PASD1: variants seen among roughly 807,000 people sequenced by gnomAD.
PASD1 encodes the protein circadian clock protein PASD1.
PASD1 carries 13 observed loss-of-function variants against 58.8 expected under a neutral mutation model. That is an observed-to-expected ratio of 0.22 (90% confidence interval 0.14 to 0.35). The LOEUF (loss-of-function observed/expected upper bound fraction) is 0.35, where lower values mean the gene tolerates loss of function less well. PASD1 is among the 10% of genes least tolerant of loss of function. The pLI is 1.00. For missense variants in PASD1, 734 were observed against 568.3 expected (o/e 1.29, Z -2.96); for synonymous variants, 236 against 216.7 (o/e 1.09, Z -0.78).
chrX:151,600,086 A>G (rs1020987751), intron 1 of PASD1, among the ~76,000 whole-genome samples: 4 of 112,247 alleles, frequency 3.6e-5, no homozygotes, highest in Admixed American at 9.4e-5. Flanking sequence ...AACAAGGCGA[A>G]ACCCCGTCTC....
chrX:151,622,932 C>T lies in PASD1; in HGVS notation c.419-5C>T. On this transcript the variant is annotated splice_region_variant and splice_polypyrimidine_tract_variant and intron_variant, in intron 6 of 15. Transcript: ENST00000370357. ...TGTTTTCACATGTGTGTCTATCTTC[C>T]TTAGAGTTTCCTGTGGTCTTTAGTG... is the stretch of plus-strand genomic sequence containing the variant. The T allele has an allele frequency of 8.3e-7, 1 of 1,205,824 alleles. No homozygotes were observed. The highest frequency in any genetic ancestry group is 1.1e-6 in the Non-Finnish European group (1 of 892,268).
intron 15 of PASD1, 64 bp from the exon 16 acceptor site, chrX:151,675,933 C>T (rs2014537565): frequency 3.5e-6 from 4 of 1,134,421 alleles, no homozygotes; most frequent in Non-Finnish European, 4.8e-6. Flanking sequence ...ATTCCTCCTA[C>T]CACCAAAAAA....
In PASD1 at chrX:151,672,251, G is replaced by A. The variant is rs1224821664; in HGVS notation, c.1506G>A (p.Gln502=). The A allele has an allele frequency of 8.6e-7, 1 of 1,167,182 alleles. No individual in the cohort carries two copies. The highest frequency in any genetic ancestry group is 1.1e-6 in the Non-Finnish European group (1 of 873,011). Reference sequence around the variant, plus strand: ...GGCAGCTGCGGGAGCAGCTGCAACAGCTGAGAGAGCAAAGGAAGGTGCAGA... The same window carrying A: ...GGCAGCTGCGGGAGCAGCTGCAACAACTGAGAGAGCAAAGGAAGGTGCAGA... The part of the protein sequence containing the change: ...QQRQLREQLQ[Q]LREQRKVQKQ... Residue 502 remains glutamine (Q), a synonymous_variant, in exon 14 of 16, where the codon CAG becomes CAA. Coordinates refer to ENST00000370357, the MANE Select transcript of PASD1 (RefSeq NM_173493.3).
intron 8 of PASD1, among the ~76,000 whole-genome samples, chrX:151,640,128 AG>A (rs2013980092): frequency 8.9e-6 from 1 of 111,997 alleles, no homozygotes; most frequent in Non-Finnish European, 1.9e-5. Flanking sequence ...TTACAAAAAT[AG>A]GAAGACTCAG....
intron 4 of PASD1, among the ~76,000 whole-genome samples, chrX:151,615,246 G>A (rs1435816462): frequency 9.1e-6 from 1 of 110,113 alleles, no homozygotes; most frequent in Non-Finnish European, 1.9e-5. Context: ...TATGTATTTG[G>A]TTCAAAGTTT....
rs770209675 is a variant in PASD1, at chrX:151,660,690, A to T, written c.841+854A>T. Among the ~76,000 whole-genome samples, 344 of 112,706 alleles carry T rather than the reference A, an allele frequency of 3.1e-3. 3 individuals carry two copies. Among genetic ancestry groups the T allele is most frequent in the Non-Finnish European group, 5.4e-3 (290 of 53,372 alleles). On this transcript the variant is annotated intron_variant, in intron 10 of 15. Coordinates refer to ENST00000370357, the MANE Select transcript of PASD1 (RefSeq NM_173493.3). ...TGTATTCACTACTGTTAAGCCAATG[A>T]TGGAGAAATCCTTATAACCTTCCAC... is the stretch of plus-strand genomic sequence containing the variant.
At chrX:151,583,450 T>A (rs1233919004) in intron 1 of PASD1, among the ~76,000 whole-genome samples, 5 of 112,115 alleles carry the variant, frequency 4.5e-5, no homozygotes, top group Non-Finnish European at 9.4e-5. Context: ...GAGGATGGTT[T>A]CATCTCCAAG....
Position 151,664,151 on chromosome X carries a change from G to A in PASD1, c.874G>A (p.Glu292Lys). ...LSLQDFRGEPEVNPLYRADPV... is the reference protein window; with the variant it reads ...LSLQDFRGEPKVNPLYRADPV... ...CTTGCAAGACTTTCGAGGTGAGCCT[G>A]AGGTGAATCCATTGTACAGGGCAGA... Residue 292 changes from glutamate to lysine, a missense_variant, in exon 11 of 16, where the codon GAG becomes AAG. By Grantham distance (56) the Glu-to-Lys change is moderately conservative. Coordinates refer to ENST00000370357, the MANE Select transcript of PASD1 (RefSeq NM_173493.3). 8.3e-7 allele frequency: 1 copy of A among 1,210,774 alleles called. No individual in the cohort carries two copies. The highest frequency in any genetic ancestry group is 1.1e-6 in the Non-Finnish European group (1 of 895,414).
At chrX:151,608,491 C>A (rs989895168) in intron 3 of PASD1, among the ~76,000 whole-genome samples, 4 of 111,866 alleles carry the variant, frequency 3.6e-5, no homozygotes, top group African/African-American at 1.3e-4. Context: ...CTTGCCTTTT[C>A]ACAATTTAAG....
At chrX:151,644,163 ATTAT>A (rs1386478832) in intron 8 of PASD1, among the ~76,000 whole-genome samples, 1 of 112,494 alleles carries the variant, frequency 8.9e-6, no homozygotes, top group Non-Finnish European at 1.9e-5. Flanking sequence ...ACTATCTCCA[ATTAT>A]TTATTTAATA....
Position 151,594,042 on chromosome X carries a change from C to T in PASD1, c.-27-7485C>T, listed in dbSNP as rs868090645. 3.6e-5 allele frequency among the ~76,000 whole-genome samples: 4 copies of T among 111,367 alleles called. No homozygotes were observed. The South Asian group carries it at 1.2e-3, about 32-fold the overall frequency. ...AGGCTGGAATGCAGTGGCACGGTCTCGGCTCACTGCAATCTCGGCCTCCTG... is the reference window on the plus strand; with the variant it reads ...AGGCTGGAATGCAGTGGCACGGTCTTGGCTCACTGCAATCTCGGCCTCCTG... On this transcript the variant is annotated intron_variant, in intron 1 of 15. Coordinates refer to ENST00000370357, the MANE Select transcript of PASD1 (RefSeq NM_173493.3).
chrX:151,594,840 T>C (rs2013297453), intron 1 of PASD1, among the ~76,000 whole-genome samples: 1 of 111,425 alleles, frequency 9.0e-6, no homozygotes, highest in Non-Finnish European at 1.9e-5. Context: ...ATGCTTCTCA[T>C]TGACTTCTTT....
intron 2 of PASD1, among the ~76,000 whole-genome samples, chrX:151,603,898 T>C (rs1037780501): frequency 1.8e-5 from 2 of 112,068 alleles, no homozygotes; most frequent in African/African-American, 6.5e-5. Context: ...AGTTGTATGC[T>C]ATGGGTCTCA....
chrX:151,601,288 C>A (rs1193184379), intron 1 of PASD1, among the ~76,000 whole-genome samples: 3 of 111,557 alleles, frequency 2.7e-5, no homozygotes, highest in African/African-American at 9.8e-5. Flanking sequence ...CAAATATATT[C>A]ATTTGTAATG....
chrX:151,658,598 A>G (rs2014275424), intron 9 of PASD1, among the ~76,000 whole-genome samples: 1 of 112,211 alleles, frequency 8.9e-6, no homozygotes. Context: ...ATTCACCATA[A>G]TGTCATTGTA....
Position 151,623,006 on chromosome X carries a change from A to C in PASD1, c.488A>C (p.Gln163Pro). The stretch of plus-strand genomic sequence containing the variant: ...GCTGACTTTGCTGCATGTGTTCCTC[A>C]GGAGGATCGGCTTTATCTTGTGGGA... ...LCADFAACVP[Q>P]EDRLYLVGNV... is the part of the protein sequence containing the mutation. The change falls in exon 7 of 16, where the codon CAG (glutamine) becomes CCG (proline). Residue 163 changes from glutamine to proline, a missense_variant. Transcript: ENST00000370357. The C allele has an allele frequency of 1.7e-6, 2 of 1,209,202 alleles. No homozygotes were observed. Among genetic ancestry groups the C allele is most frequent in the South Asian group, 3.5e-5 (2 of 56,782 alleles).
At chrX:151,601,663 T>C in intron 2 of PASD1, 82 bp downstream of exon 2, 1 of 1,021,401 alleles carries the variant, frequency 9.8e-7, no homozygotes, top group South Asian at 2.1e-5. Context: ...AGCAAAATGC[T>C]ACTTCCTCAG....
intron 14 of PASD1, chrX:151,672,904 A>G (rs1207790777): frequency 2.4e-6 from 1 of 424,237 alleles, no homozygotes; most frequent in East Asian, 4.4e-5. Flanking sequence ...AGGACTAGAT[A>G]AGGAAGCCTC....
At chrX:151,625,889 G>A (rs2013780461) in intron 8 of PASD1, among the ~76,000 whole-genome samples, 1 of 111,629 alleles carries the variant, frequency 9.0e-6, no homozygotes, top group African/African-American at 3.3e-5. Flanking sequence ...CAAGTCTGCA[G>A]TGAGCAGTGA....
Sources: allele counts gnomAD v4.1 joint callset (sites outside exome capture counted in the v4.1 genomes callset), GRCh38; gene constraint gnomAD v4.1.1; transcripts MANE v1.5; gene names NCBI Gene and HGNC (gene_info 2026-07-23, HGNC 2026-07-21).